The following SLC2A2 variants were observed in gnomAD, a reference collection of about 807,000 sequenced individuals.
SLC2A2 encodes the protein solute carrier family 2, facilitated glucose transporter member 2.
Under a neutral mutation model 54.5 loss-of-function variants are expected in SLC2A2, and 36 were observed. The ratio of observed to expected loss-of-function variants is 0.66; its 90% CI spans 0.51 to 0.87. SLC2A2 has a LOEUF of 0.87. Ranked by LOEUF, SLC2A2 falls within the 40% of genes least tolerant of loss-of-function variation. The pLI is 0.00. For synonymous variants in SLC2A2, 223 were observed against 219.1 expected, an observed-to-expected ratio of 1.02 and a Z score of -0.16; for missense variants, 543 against 624.3, an observed-to-expected ratio of 0.87 and a Z score of 1.39.
intron 3 of SLC2A2, among the ~76,000 whole-genome samples, chr3:171,013,632 A>G (rs1212408703): frequency 6.6e-6 from 1 of 152,206 alleles, no homozygotes; most frequent in African/African-American, 2.4e-5. Context: ...CTAGTTGCCT[A>G]AATTGTTATT....
chr3:171,023,319 G>A (rs1716546794), intron 1 of SLC2A2, among the ~76,000 whole-genome samples: 1 of 152,146 alleles, frequency 6.6e-6, no homozygotes, highest in Non-Finnish European at 1.5e-5. Context: ...CTGTTTAATG[G>A]CATTTCCTTT....
chr3:171,007,006 G>A (rs1488545646), intron 5 of SLC2A2, 142 bp downstream of exon 5: 1 of 696,638 alleles, frequency 1.4e-6, no homozygotes, highest in African/African-American at 1.8e-5. Flanking sequence ...TCTCTGTGCT[G>A]GTCTACAGTG....
At chr3:171,002,156 G>T (rs1363264046) in intron 8 of SLC2A2, among the ~76,000 whole-genome samples, 1 of 151,542 alleles carries the variant, frequency 6.6e-6, no homozygotes, top group Admixed American at 6.6e-5. Flanking sequence ...CAAGGCACAT[G>T]GTAAAAAAAA....
At chr3:170,999,339 C>T (rs1012300226) in intron 8 of SLC2A2, among the ~76,000 whole-genome samples, 173 bp from the exon 9 acceptor site, 1 of 151,994 alleles carries the variant, frequency 6.6e-6, no homozygotes. Context: ...ACTCTAGCCC[C>T]AGGTGGCAGA....
chr3:170,999,297 A>G (rs1403470723), intron 8 of SLC2A2, 131 bp from the exon 9 acceptor site: 2 of 706,624 alleles, frequency 2.8e-6, no homozygotes, highest in Admixed American at 2.0e-5. Context: ...CCATCCTTCC[A>G]TTTTACAGGA....
intron 2 of SLC2A2, among the ~76,000 whole-genome samples, chr3:171,018,297 C>T (rs777030172): frequency 2.6e-5 from 4 of 152,048 alleles, no homozygotes; most frequent in Admixed American, 6.6e-5. Context: ...GCTCAGCAAA[C>T]AGCAGAGTCA....
chr3:171,025,224 T>C lies in SLC2A2; in HGVS notation c.15+1432A>G, dbSNP rs145997178. On this transcript the variant is annotated intron_variant, in intron 1 of 10. Coordinates refer to ENST00000314251, the MANE Select transcript of SLC2A2 (RefSeq NM_000340.2). ...ATTCTTTAAATACATACTATATAAA[T>C]GCTATATAAATAGCATTTTATATTT... is the stretch of plus-strand genomic sequence containing the variant. 8.4e-3 allele frequency among the ~76,000 whole-genome samples: 1,274 copies of C among 151,828 alleles called. 18 individuals carry two copies. The highest frequency in any genetic ancestry group is 0.045 in the South Asian group (215 of 4,824).
chr3:170,999,235 T>C, intron 8 of SLC2A2, 69 bp from the exon 9 acceptor site: 1 of 1,019,460 alleles, frequency 9.8e-7, no homozygotes, highest in Non-Finnish European at 1.6e-6. Flanking sequence ...ACTTAAATCA[T>C]TTTTACTGCC....
At chr3:170,998,519 G>C in intron 9 of SLC2A2, 123 bp from the exon 10 acceptor site, 1 of 738,938 alleles carries the variant, frequency 1.4e-6, no homozygotes, top group South Asian at 1.6e-5. Flanking sequence ...GTTCAAGCAA[G>C]TATAAGTTAT....
In SLC2A2 at chr3:171,019,097, GTATA is replaced by G. The variant is rs775019312; in HGVS notation, c.16-478_16-475del. Reference sequence around the variant, plus strand: ...TGTGTATATATATATGTGTGTGTGTGTATATATATATATATATATATATATACGT... The same window carrying G: ...TGTGTATATATATATGTGTGTGTGTGTATATATATATATATATATATACGT... On this transcript the variant is annotated intron_variant, in intron 1 of 10. Transcript: ENST00000314251. Among the ~76,000 whole-genome samples the G allele has an allele frequency of 5.3e-3, 107 of 20,162 alleles. 2 individuals are homozygous for G. The highest frequency in any genetic ancestry group is 0.016 in the Middle Eastern group (1 of 64). 13.2% of individuals were successfully genotyped at this position (20,162 alleles called of 152,430 possible).
In SLC2A2 at chr3:171,002,606, G is replaced by A. The variant is rs761337849; in HGVS notation, c.1038C>T (p.Gly346=). The part of the protein sequence containing the change: ...SKPVYATIGV[G]AVNMVFTAVS... ...CAGCAGTGAAAACCATGTTTACAGC[G>A]CCAACTCCAATGGTTGCATAAACAG... is the stretch of plus-strand genomic sequence containing the variant. Residue 346 remains glycine (G), a synonymous_variant, in exon 8 of 11, where the codon GGC becomes GGT. Transcript: ENST00000314251. 5.0e-6 allele frequency: 8 copies of A among 1,609,458 alleles called. No individual in the cohort carries two copies. Among genetic ancestry groups the A allele is most frequent in the South Asian group, 4.4e-5 (4 of 90,714 alleles).
chr3:171,007,177 C>T lies in SLC2A2; in HGVS notation c.583G>A (p.Ala195Thr), dbSNP rs1469335096. 6.2e-7 allele frequency: 1 copy of T among 1,611,856 alleles called. No individual in the cohort carries two copies. The highest frequency in any genetic ancestry group is 1.7e-5 in the Admixed American group (1 of 59,818). The part of the protein sequence containing the change: ...RGALGTFHQL[A>T]IVTGILISQI... ...CTAATAAGAATGCCCGTGACGATGG[C>T]CAGCTGATGAAAAGTGCCAAGTGCT... Residue 195 changes from alanine (A) to threonine (T), a missense_variant, in exon 5 of 11, where the codon GCC becomes ACC. Physicochemically the swap from Ala to Thr is moderately conservative, Grantham distance 58. Transcript: ENST00000314251.
At chr3:171,001,353 G>T (rs2108237245) in intron 8 of SLC2A2, among the ~76,000 whole-genome samples, 1 of 152,146 alleles carries the variant, frequency 6.6e-6, no homozygotes, top group South Asian at 2.1e-4. Flanking sequence ...AACAGGTCTT[G>T]ATTGATTTAG....
In SLC2A2 at chr3:171,014,524, C is replaced by T. The variant is rs1332764085; in HGVS notation, c.316G>A (p.Val106Ile). ...LWSLSVSSFA[V>I]GGMTASFFGG... ...AAGAATGATGCAGTCATTCCACCAA[C>T]TGCAAAGCTGGATACAGACAGGGAC... The change falls in exon 3 of 11, where the codon GTT (valine) becomes ATT (isoleucine). Residue 106 changes from valine to isoleucine, a missense_variant. Val to Ile is a conservative substitution (Grantham distance 29). This residue lies in a region of SLC2A2 where 318 missense variants were observed against 343.8 expected (regional missense o/e 0.93). Coordinates refer to ENST00000314251, the MANE Select transcript of SLC2A2 (RefSeq NM_000340.2). 2.5e-6 allele frequency: 4 copies of T among 1,614,210 alleles called. No homozygotes were observed. Among genetic ancestry groups the T allele is most frequent in the Non-Finnish European group, 3.4e-6 (4 of 1,180,022 alleles).
chr3:171,018,459 T>C, intron 2 of SLC2A2, 72 bp downstream of exon 2: 1 of 1,052,070 alleles, frequency 9.5e-7, no homozygotes, highest in East Asian at 2.4e-5. Flanking sequence ...TTTATCTCTG[T>C]GTATGAGGAA....
intron 1 of SLC2A2, among the ~76,000 whole-genome samples, chr3:171,021,497 T>TA (rs1716465080): frequency 6.6e-6 from 1 of 152,184 alleles, no homozygotes; most frequent in Non-Finnish European, 1.5e-5. Flanking sequence ...TTATTTATCT[T>TA]AAAGTATAGC....
chr3:171,019,129 G>GTGTA (rs1429300436), intron 1 of SLC2A2, among the ~76,000 whole-genome samples: 34 of 25,040 alleles, frequency 1.4e-3, no homozygotes, highest in Admixed American at 3.7e-3. Flanking sequence ...ATATACGTAT[G>GTGTA]TATATATATA....
chr3:171,004,101 A>G (rs1715472359), intron 7 of SLC2A2, among the ~76,000 whole-genome samples: 1 of 151,898 alleles, frequency 6.6e-6, no homozygotes, highest in Non-Finnish European at 1.5e-5. Context: ...TGCAGACAGG[A>G]CTGAGGTAGA....
At chr3:171,018,928 C>T (rs138503154) in intron 1 of SLC2A2, among the ~76,000 whole-genome samples, 1 of 151,362 alleles carries the variant, frequency 6.6e-6, no homozygotes, top group Admixed American at 6.6e-5. Context: ...GACTATTCAC[C>T]GGATACCAGA....
Sources: gnomAD v4.1 joint callset for allele counts (sites outside exome capture counted in the v4.1 genomes callset) on GRCh38, gnomAD v4.1.1 for gene constraint, gnomAD v4.1.1 regional missense constraint, MANE v1.5 for transcripts, NCBI Gene and HGNC (gene_info 2026-07-23, HGNC 2026-07-21) for gene names.